Variants in ASTN1 observed in about 807,000 individuals in gnomAD.
ASTN1 encodes astrotactin 1, also known as astrotactin-1.
In ASTN1, 41 loss-of-function variants were observed where a neutral mutation model predicts 140.7. The ratio of observed to expected loss-of-function variants is 0.29; its 90% CI spans 0.23 to 0.38. The LOEUF (loss-of-function observed/expected upper bound fraction) is 0.38. Ranked by LOEUF, ASTN1 falls within the 10% of genes least tolerant of loss-of-function variation. The pLI, the probability that ASTN1 is intolerant of heterozygous loss-of-function variation, is 1.00. For missense variants in ASTN1, 1,479 were observed against 1,678.8 expected, an observed-to-expected ratio of 0.88 and a Z score of 2.08; for synonymous variants, 640 against 652.2, an observed-to-expected ratio of 0.98 and a Z score of 0.29.
At chr1:177,158,376 A>ATT (rs1189576636) in intron 1 of ASTN1, among the ~76,000 whole-genome samples, 1 of 152,190 alleles carries the variant, frequency 6.6e-6, no homozygotes, top group South Asian at 2.1e-4. Context: ...AAAGTAATTA[A>ATT]TTTTTAAGAA....
At chr1:177,113,341 G>A (rs1471591649) in intron 1 of ASTN1, among the ~76,000 whole-genome samples, 1 of 152,178 alleles carries the variant, frequency 6.6e-6, no homozygotes, top group Non-Finnish European at 1.5e-5. Flanking sequence ...GCATATCCAG[G>A]TTGAGCAGCC....
intron 15 of ASTN1, among the ~76,000 whole-genome samples, chr1:176,935,199 A>C (rs1414055796): frequency 1.3e-5 from 2 of 152,194 alleles, no homozygotes; most frequent in African/African-American, 4.8e-5. Context: ...AAGGCAAAGT[A>C]AAGTCTAGCT....
At chr1:176,912,213 CTT>C (rs1670274260) in intron 16 of ASTN1, among the ~76,000 whole-genome samples, 1 of 152,192 alleles carries the variant, frequency 6.6e-6, no homozygotes, top group African/African-American at 2.4e-5. Flanking sequence ...AGTCAGCAAA[CTT>C]TTTCTGTAAA....
At chr1:177,143,329 T>A (rs1215500872) in intron 1 of ASTN1, among the ~76,000 whole-genome samples, 1 of 152,198 alleles carries the variant, frequency 6.6e-6, no homozygotes, top group African/African-American at 2.4e-5. Context: ...ATCACTACCA[T>A]AATCATCAAT....
chr1:177,086,628 C>T (rs1249905616), intron 1 of ASTN1, among the ~76,000 whole-genome samples: 1 of 152,158 alleles, frequency 6.6e-6, no homozygotes, highest in Non-Finnish European at 1.5e-5. Flanking sequence ...ACAAATCACT[C>T]ACAAAATAGA....
chr1:177,060,992 A>T, intron 2 of ASTN1, 86 bp downstream of exon 2: 2 of 1,277,958 alleles, frequency 1.6e-6, no homozygotes, highest in Non-Finnish European at 1.0e-6. Flanking sequence ...GTTAGGTCTG[A>T]TAGAGTGATA....
chr1:176,861,731 C>T lies in ASTN1; in HGVS notation c.*2553G>A. The T allele has an allele frequency of 1.0e-6, 1 of 984,918 alleles. No individual in the cohort carries two copies. Among genetic ancestry groups the T allele is most frequent in the Non-Finnish European group, 1.2e-6 (1 of 829,902 alleles). The allele number at this position is 984,918 out of a possible 1,614,324, so 61.0% of individuals were successfully genotyped here. A position where few individuals can be genotyped will look rare whatever the true frequency, so the allele number is the denominator to read the frequency against. ...ATACACACATTCAGTGGGGAGAACT[C>T]AACGAGAAACAGGAGGAAGAAAGTC... is the stretch of plus-strand genomic sequence containing the variant. On this transcript the variant is annotated 3_prime_UTR_variant, in exon 23 of 23. Transcript: ENST00000361833.
At chr1:176,991,289 T>C (rs1674147142) in intron 8 of ASTN1, among the ~76,000 whole-genome samples, 1 of 151,784 alleles carries the variant, frequency 6.6e-6, no homozygotes, top group Non-Finnish European at 1.5e-5. Flanking sequence ...GGCACATGAC[T>C]GTAATCCCAG....
chr1:176,876,049 G>A (rs1258823850), intron 21 of ASTN1, among the ~76,000 whole-genome samples: 6 of 152,196 alleles, frequency 3.9e-5, no homozygotes, highest in Non-Finnish European at 8.8e-5. Context: ...CAAAGAACTG[G>A]CCCACAACTT....
intron 14 of ASTN1, among the ~76,000 whole-genome samples, chr1:176,938,377 A>C (rs1227332442): frequency 1.3e-5 from 2 of 152,202 alleles, no homozygotes; most frequent in East Asian, 3.8e-4. Context: ...GTTTATTTAT[A>C]AAAAAATAAC....
chr1:177,046,792 G>A (rs1677252474), intron 2 of ASTN1, among the ~76,000 whole-genome samples: 1 of 152,134 alleles, frequency 6.6e-6, no homozygotes, highest in Non-Finnish European at 1.5e-5. Context: ...GAGATGTGAG[G>A]GTTCAGTGGA....
chr1:176,872,476 A>G (rs1377463253), intron 21 of ASTN1, among the ~76,000 whole-genome samples: 1 of 152,194 alleles, frequency 6.6e-6, no homozygotes, highest in Non-Finnish European at 1.5e-5. Context: ...CACAGCCTCT[A>G]TATTTCTGTG....
At chr1:177,132,036 C>T (rs940569977) in intron 1 of ASTN1, among the ~76,000 whole-genome samples, 2 of 152,200 alleles carry the variant, frequency 1.3e-5, no homozygotes, top group South Asian at 4.1e-4. Flanking sequence ...GATCAAATTT[C>T]AGCATGAGGT....
intron 2 of ASTN1, among the ~76,000 whole-genome samples, chr1:177,049,104 G>C (rs1251596574): frequency 6.6e-6 from 1 of 152,178 alleles, no homozygotes; most frequent in Non-Finnish European, 1.5e-5. Flanking sequence ...GTTTTTTCAT[G>C]CATTTCTTTC....
intron 1 of ASTN1, among the ~76,000 whole-genome samples, chr1:177,094,069 T>A (rs1459820031): frequency 6.6e-6 from 1 of 152,252 alleles, no homozygotes; most frequent in African/African-American, 2.4e-5. Flanking sequence ...CAGCCTCATG[T>A]ATTAGTGCTG....
At chr1:176,979,805 G>GTGCTGTT (rs1304352240) in intron 8 of ASTN1, among the ~76,000 whole-genome samples, 2 of 152,114 alleles carry the variant, frequency 1.3e-5, no homozygotes, top group African/African-American at 4.8e-5. Context: ...TTCCATGAGT[G>GTGCTGTT]TGCTGTTTGT....
chr1:176,908,435 C>G lies in ASTN1; in HGVS notation c.2672-13605G>C, dbSNP rs1670090436. On this transcript the variant is annotated intron_variant, in intron 16 of 22. Transcript: ENST00000361833. ...GAAAGGAGAAGGCAGGAGAGAGATG[C>G]AGCAGCCCCGTCATGTCTGAGTAAG... is the stretch of plus-strand genomic sequence containing the variant. 4.6e-5 allele frequency among the ~76,000 whole-genome samples: 7 copies of G among 152,196 alleles called. No homozygotes were observed. The South Asian group carries it at 1.5e-3, about 32-fold the overall frequency.
chr1:177,106,188 G>T (rs753617167), intron 1 of ASTN1, among the ~76,000 whole-genome samples: 1 of 152,068 alleles, frequency 6.6e-6, no homozygotes, highest in Non-Finnish European at 1.5e-5. Context: ...GTAGAGAAAT[G>T]GCCACATTGC....
At chr1:177,108,354 AAAAAAAAAAAAAG>A (rs1295956711) in intron 1 of ASTN1, among the ~76,000 whole-genome samples, 1 of 149,982 alleles carries the variant, frequency 6.7e-6, no homozygotes, top group Non-Finnish European at 1.5e-5. Flanking sequence ...TCTCAAAAAA[AAAAAAAAAAAAAG>A]AAAAGAAAAA....
Sources: gnomAD v4.1 joint callset for allele counts (sites outside exome capture counted in the v4.1 genomes callset) on GRCh38, gnomAD v4.1.1 for gene constraint, MANE v1.5 for transcripts, NCBI Gene and HGNC (gene_info 2026-07-23, HGNC 2026-07-21) for gene names.